Variants in MAF observed in about 807,000 individuals in gnomAD.
MAF encodes transcription factor Maf.
Under a neutral mutation model 22.0 loss-of-function variants are expected in MAF, and 10 were observed. The ratio of observed to expected loss-of-function variants is 0.45; its 90% confidence interval spans 0.28 to 0.77. MAF has a LOEUF of 0.77. MAF is among the 30% of genes least tolerant of loss of function. The pLI is 0.12. For synonymous variants in MAF, 337 were observed against 255.8 expected (o/e 1.32, Z -3.03); for missense variants, 544 against 548.4 (o/e 0.99, Z 0.08).
chr16:79,214,250 T>G, the MAF span, among the ~76,000 whole-genome samples: 1 of 152,186 alleles, frequency 6.6e-6, no homozygotes, highest in Admixed American at 6.5e-5. Flanking sequence ...TCCATGAAAT[T>G]TGTCTGTTTT....
At chr16:79,595,451 G>A in intron 1 of MAF, 1 of 1,057,518 alleles carries the variant, frequency 9.5e-7, no homozygotes, top group Non-Finnish European at 1.1e-6. Flanking sequence ...CAAAACAAAA[G>A]TCATCGTGTT....
At chr16:79,578,090 G>A in the MAF span, among the ~76,000 whole-genome samples, 67 of 152,176 alleles carry the variant, frequency 4.4e-4, no homozygotes, top group African/African-American at 1.5e-3. Context: ...CAGAATAGCT[G>A]TTTTAAAAAT....
At chr16:79,428,070 C>A in the MAF span, among the ~76,000 whole-genome samples, 2 of 130,798 alleles carry the variant, frequency 1.5e-5, no homozygotes, top group Admixed American at 9.1e-5. Flanking sequence ...CTAGCCCAGG[C>A]GACAGAGTGA....
the MAF span, among the ~76,000 whole-genome samples, chr16:79,518,414 G>T: frequency 6.6e-6 from 1 of 152,204 alleles, no homozygotes. Context: ...AATCTAGACA[G>T]ATACATCTTG....
At chr16:79,236,415 T>G in the MAF span, among the ~76,000 whole-genome samples, 1 of 152,038 alleles carries the variant, frequency 6.6e-6, no homozygotes, top group African/African-American at 2.4e-5. Flanking sequence ...AGTTGATTCC[T>G]TGGGGAAAGT....
the MAF span, among the ~76,000 whole-genome samples, chr16:79,539,350 G>T: frequency 3.7e-4 from 57 of 152,184 alleles, no homozygotes; most frequent in African/African-American, 1.3e-3. Flanking sequence ...TAAAATTACA[G>T]AAATTGGCCG....
the MAF span, among the ~76,000 whole-genome samples, chr16:79,242,564 G>C: frequency 6.6e-6 from 1 of 152,026 alleles, no homozygotes; most frequent in South Asian, 2.1e-4. Flanking sequence ...CAAGTTCTTA[G>C]AGACCTACAA....
At chr16:79,425,334 A>T in the MAF span, among the ~76,000 whole-genome samples, 1 of 151,874 alleles carries the variant, frequency 6.6e-6, no homozygotes, top group African/African-American at 2.4e-5. Flanking sequence ...CTTGGGCTTT[A>T]TGCTATCTGG....
chr16:79,313,105 G>T, the MAF span, among the ~76,000 whole-genome samples: 1 of 152,102 alleles, frequency 6.6e-6, no homozygotes, highest in Non-Finnish European at 1.5e-5. Context: ...CTGCAAAGGG[G>T]AATGTTAATA....
chr16:79,244,400 C>G, the MAF span, among the ~76,000 whole-genome samples: 4 of 152,046 alleles, frequency 2.6e-5, no homozygotes, highest in African/African-American at 9.7e-5. Context: ...GCAAAAATCA[C>G]AAGCAGTTCT....
At chr16:79,210,799 C>T in the MAF span, among the ~76,000 whole-genome samples, 3 of 152,106 alleles carry the variant, frequency 2.0e-5, no homozygotes, top group Non-Finnish European at 4.4e-5. Flanking sequence ...TATGATGCCT[C>T]ATCACTGCAC....
the MAF span, among the ~76,000 whole-genome samples, chr16:79,493,300 G>A: frequency 3.4e-3 from 519 of 152,196 alleles, 3 homozygotes; most frequent in African/African-American, 0.012. Flanking sequence ...CTGGGCCTCA[G>A]CCTCCCGAGT....
chr16:79,388,885 C>A, the MAF span, among the ~76,000 whole-genome samples: 2 of 152,256 alleles, frequency 1.3e-5, no homozygotes, highest in East Asian at 3.9e-4. Context: ...AATCCTAAAG[C>A]CAGAACTCAG....
the MAF span, among the ~76,000 whole-genome samples, chr16:79,477,905 G>C: frequency 3.3e-5 from 5 of 151,636 alleles, no homozygotes; most frequent in African/African-American, 7.3e-5. Flanking sequence ...TGTATTTTTA[G>C]TAGAGACGGG....
At chr16:79,432,879 C>T in the MAF span, among the ~76,000 whole-genome samples, 1 of 152,154 alleles carries the variant, frequency 6.6e-6, no homozygotes, top group African/African-American at 2.4e-5. Context: ...CCTTCATGCC[C>T]CAGAAGGAAC....
the MAF span, among the ~76,000 whole-genome samples, chr16:79,580,663 T>A: frequency 2.6e-5 from 4 of 151,946 alleles, no homozygotes; most frequent in African/African-American, 9.7e-5. Flanking sequence ...CTTAGAGAAA[T>A]CCTGGCCCCA....
chr16:79,251,519 G>A, the MAF span, among the ~76,000 whole-genome samples: 296 of 152,202 alleles, frequency 1.9e-3, 2 homozygotes, highest in Non-Finnish European at 3.3e-3. Context: ...ATTTCACCAT[G>A]TTGGTCAGGT....
the MAF span, among the ~76,000 whole-genome samples, chr16:79,341,401 T>C: frequency 6.6e-6 from 1 of 152,232 alleles, no homozygotes; most frequent in Non-Finnish European, 1.5e-5. Context: ...AGCGGGCTAC[T>C]GGAACCAGCT....
the MAF span, among the ~76,000 whole-genome samples, chr16:79,242,301 T>G: frequency 6.6e-6 from 1 of 150,656 alleles, no homozygotes; most frequent in African/African-American, 2.4e-5. Context: ...ACCCATCTCA[T>G]GTGCAAAGAC....
Sources: gnomAD v4.1 joint callset for allele counts (sites outside exome capture counted in the v4.1 genomes callset) on GRCh38, gnomAD v4.1.1 for gene constraint, MANE v1.5 for transcripts, NCBI Gene and HGNC (gene_info 2026-07-23, HGNC 2026-07-21) for gene names.